PEX1: variants seen among roughly 807,000 people sequenced by gnomAD.
PEX1 encodes the protein peroxisomal ATPase PEX1.
A neutral mutation model predicts 152.5 loss-of-function variants in PEX1; 97 were observed. The ratio of observed to expected loss-of-function variants is 0.64; its 90% confidence interval spans 0.54 to 0.75. PEX1 has a LOEUF of 0.75. Ranked by LOEUF, PEX1 falls within the 30% of genes least tolerant of loss-of-function variation. The pLI is 0.00. For missense variants in PEX1, 1,357 were observed against 1,516.3 expected (o/e 0.89, Z 1.74); for synonymous variants, 485 against 531.6 (o/e 0.91, Z 1.21).
Position 92,491,342 on chromosome 7 carries a change from A to G in PEX1, c.3368T>C (p.Phe1123Ser). ...TCCAAAGTAGAGCCGGTACATATTG[A>G]ATTTTGATTCATCTGGAAGGATCTC... ...MSEILPDESK[F>S]NMYRLYFGSS... The change falls in exon 21 of 24, where the codon TTC (phenylalanine) becomes TCC (serine). Residue 1123 changes from phenylalanine to serine, a missense_variant. Coordinates refer to ENST00000248633, the MANE Select transcript of PEX1 (RefSeq NM_000466.3). The G allele has an allele frequency of 2.5e-6, 4 of 1,614,064 alleles. No homozygotes were observed. Among genetic ancestry groups the G allele is most frequent in the Non-Finnish European group, 3.4e-6 (4 of 1,179,940 alleles).
chr7:92,501,494 T>A lies in PEX1; in HGVS notation c.2583+13A>T, dbSNP rs1274462865. 6.2e-7 allele frequency: 1 copy of A among 1,610,184 alleles called. No individual in the cohort carries two copies. Among genetic ancestry groups the A allele is most frequent in the African/African-American group, 1.3e-5 (1 of 74,832 alleles). On this transcript the variant is annotated intron_variant, in intron 15 of 23. Transcript: ENST00000248633. Reference sequence around the variant, plus strand: ...TGGGAGTAAGTATTCACTTTTTCTTTTTTTAAACATACCTTGGCAGGTAAC... The same window carrying A: ...TGGGAGTAAGTATTCACTTTTTCTTATTTTAAACATACCTTGGCAGGTAAC...
intron 15 of PEX1, among the ~76,000 whole-genome samples, chr7:92,500,361 C>T (rs1791868859): frequency 1.3e-5 from 2 of 152,340 alleles, no homozygotes; most frequent in South Asian, 4.1e-4. Flanking sequence ...CTACTGTCTG[C>T]AATATCCTGG....
intron 1 of PEX1, among the ~76,000 whole-genome samples, chr7:92,523,323 G>A (rs957246773): frequency 5.3e-5 from 8 of 151,378 alleles, no homozygotes; most frequent in East Asian, 1.9e-4. Context: ...AAGCATTTTC[G>A]AACTTTTTTT....
chr7:92,508,769 T>C (rs1461503280), intron 9 of PEX1, among the ~76,000 whole-genome samples: 1 of 152,038 alleles, frequency 6.6e-6, no homozygotes, highest in Non-Finnish European at 1.5e-5. Context: ...TTAAAAAATA[T>C]TTTTTATATT....
intron 20 of PEX1, 126 bp from the exon 21 acceptor site, chr7:92,491,628 C>A: frequency 1.5e-6 from 1 of 658,206 alleles, no homozygotes. Flanking sequence ...TCAAAGAGCT[C>A]ATTAATTCTC....
intron 15 of PEX1, 46 bp from the exon 16 acceptor site, chr7:92,499,884 C>T (rs1254175927): frequency 6.7e-7 from 1 of 1,493,652 alleles, no homozygotes; most frequent in Non-Finnish European, 9.3e-7. Context: ...CAAGTCTAAA[C>T]AGAAATGACT....
At chr7:92,514,904 G>A (rs939855050) in intron 5 of PEX1, among the ~76,000 whole-genome samples, 1 of 151,726 alleles carries the variant, frequency 6.6e-6, no homozygotes, top group African/African-American at 2.4e-5. Flanking sequence ...ACAAAAATTA[G>A]CCAGGCGTGG....
intron 5 of PEX1, 114 bp from the exon 6 acceptor site, chr7:92,514,081 G>T: frequency 2.9e-6 from 2 of 691,788 alleles, no homozygotes; most frequent in Non-Finnish European, 4.7e-6. Flanking sequence ...AATAACAGAA[G>T]CTATCATAAT....
chr7:92,513,509 T>C (rs1467669414), intron 6 of PEX1, among the ~76,000 whole-genome samples: 3 of 152,062 alleles, frequency 2.0e-5, no homozygotes, highest in Non-Finnish European at 2.9e-5. Context: ...AGTAAATTCA[T>C]AGAGACACAA....
intron 23 of PEX1, among the ~76,000 whole-genome samples, chr7:92,488,710 A>C (rs1225859176): frequency 2.6e-5 from 4 of 150,998 alleles, no homozygotes; most frequent in African/African-American, 2.4e-5. Flanking sequence ...TTTCCTTCTT[A>C]TTTCTTCGAA....
rs4559173 is a variant in PEX1, at chr7:92,504,884, A to G, written c.1919T>C (p.Ile640Thr). 3.1e-6 allele frequency: 5 copies of G among 1,613,438 alleles called. No individual in the cohort carries two copies. The highest frequency in any genetic ancestry group is 3.3e-5 in the Admixed American group (2 of 60,008). Reference sequence around the variant, plus strand: ...GAAAGCCACCTCTAGGGTTTTTTGTATGTTTTCAAGCCTTTTTCCTTAATA... The same window carrying G: ...GAAAGCCACCTCTAGGGTTTTTTGTGTGTTTTCAAGCCTTTTTCCTTAATA... ...KALRGKRLEN[I>T]QKTLEVAFSE... The change falls in exon 12 of 24, where the codon ATA becomes ACA. Residue 640 changes from isoleucine to threonine, a missense_variant. Physicochemically the swap from Ile to Thr is moderately conservative, Grantham distance 89 (BLOSUM62 -1). Transcript: ENST00000248633.
intron 5 of PEX1, among the ~76,000 whole-genome samples, chr7:92,516,179 A>T (rs1792776853): frequency 6.6e-6 from 1 of 152,236 alleles, no homozygotes; most frequent in East Asian, 1.9e-4. Flanking sequence ...TAATCCCAGC[A>T]CTTTGGGAGG....
intron 8 of PEX1, among the ~76,000 whole-genome samples, chr7:92,510,207 T>C (rs1792395086): frequency 6.7e-6 from 1 of 150,350 alleles, no homozygotes; most frequent in African/African-American, 2.5e-5. Context: ...GGCTCACACT[T>C]GTAATCCCAC....
rs543704816 is a variant in PEX1 at position 92,506,553 on chromosome 7, A to C, written c.1804-209T>G. ...AGACAAAGACAACACAAAAACAGAA[A>C]ACTGCAAACTAATCACTTTCAAACT... On this transcript the variant is annotated intron_variant, in intron 10 of 23. Coordinates refer to ENST00000248633, the MANE Select transcript of PEX1 (RefSeq NM_000466.3). The C allele has an allele frequency of 1.1e-3, 616 of 572,392 alleles. 1 individual carries two copies. The highest frequency in any genetic ancestry group is 1.7e-3 in the Non-Finnish European group (551 of 322,372). The allele number at this position is 572,392 out of a possible 1,614,324, so 35.5% of individuals were successfully genotyped here.
In PEX1 at chr7:92,507,143, T is replaced by C. The variant is rs375432798; in HGVS notation, c.1671-17A>G. 1.7e-5 allele frequency: 27 copies of C among 1,610,832 alleles called. No individual in the cohort carries two copies. In the Admixed American group the frequency reaches 2.5e-4, roughly 15 times the overall value. ...TTCACTCCTCTGTAAAAAATATACATAGTTACATGATAAAAGACTGAAGCA... is the reference window on the plus strand; with the variant it reads ...TTCACTCCTCTGTAAAAAATATACACAGTTACATGATAAAAGACTGAAGCA... On this transcript the variant is annotated splice_polypyrimidine_tract_variant and intron_variant, in intron 9 of 23. Transcript: ENST00000248633.
chr7:92,525,193 G>A (rs1793210991), intron 1 of PEX1, among the ~76,000 whole-genome samples: 1 of 152,182 alleles, frequency 6.6e-6, no homozygotes, highest in South Asian at 2.1e-4. Context: ...CAGGTAAAGA[G>A]AAGAAAGAGA....
chr7:92,494,538 G>A lies in PEX1; in HGVS notation c.2875C>T (p.Arg959Ter), dbSNP rs1057517481. The A allele has an allele frequency of 8.1e-6, 13 of 1,613,580 alleles. No individual in the cohort carries two copies. The highest frequency in any genetic ancestry group is 4.5e-5 in the East Asian group (2 of 44,868). The change falls in exon 18 of 24, where the codon CGA (arginine) becomes TGA (stop). Residue 959 changes from arginine (R) to a stop codon, truncating the protein, a stop_gained. Transcript: ENST00000248633. LOFTEE classifies it high-confidence loss of function. ...TGAGTCAGCAACTGGTTAACTACTC[G>A]GTCTGTAACTCCTGTATTATCATGA... Reference protein sequence around the residue: ...RGHDNTGVTDRVVNQLLTQLD... With the variant: ...RGHDNTGVTD
In PEX1 at chr7:92,504,882, G is replaced by C; in HGVS notation, c.1921C>G (p.Gln641Glu). The change falls in exon 12 of 24, where the codon CAA (glutamine) becomes GAA (glutamate). Residue 641 changes from glutamine (Q) to glutamate (E), a missense_variant. Gln to Glu is a conservative substitution (Grantham distance 29). Transcript: ENST00000248633. The part of the protein sequence containing the change: ...ALRGKRLENI[Q>E]KTLEVAFSEA... ...GAGAAAGCCACCTCTAGGGTTTTTT[G>C]TATGTTTTCAAGCCTTTTTCCTTAA... is the stretch of plus-strand genomic sequence containing the variant. 1.2e-6 allele frequency: 2 copies of C among 1,613,486 alleles called. No homozygotes were observed. The highest frequency in any genetic ancestry group is 8.5e-7 in the Non-Finnish European group (1 of 1,179,448).
chr7:92,504,346 T>C (rs995550767), intron 12 of PEX1, among the ~76,000 whole-genome samples: 1 of 152,138 alleles, frequency 6.6e-6, no homozygotes, highest in East Asian at 1.9e-4. Flanking sequence ...TCATACACAG[T>C]AGCCATCATT....
Sources: gnomAD v4.1 joint callset for allele counts (sites outside exome capture counted in the v4.1 genomes callset) on GRCh38, gnomAD v4.1.1 for gene constraint, MANE v1.5 for transcripts, NCBI Gene and HGNC (gene_info 2026-07-23, HGNC 2026-07-21) for gene names.